Variants in AGBL1 observed in about 807,000 individuals in gnomAD.
The protein encoded by AGBL1 is AGBL carboxypeptidase 1, also known as cytosolic carboxypeptidase 4.
Under a neutral mutation model 118.9 loss-of-function variants are expected in AGBL1, and 130 were observed. That is an observed-to-expected ratio of 1.09 (90% CI 0.95 to 1.26). The LOEUF (loss-of-function observed/expected upper bound fraction) is 1.26. Among genes scored for constraint, AGBL1 ranks in the 50% most tolerant of loss-of-function variants. The pLI, the probability that AGBL1 is intolerant of heterozygous loss-of-function variation, is 0.00. For synonymous variants in AGBL1, 555 were observed against 478.9 expected (o/e 1.16, Z -2.08); for missense variants, 1,584 against 1,298.1 (o/e 1.22, Z -3.38).
intron 22 of AGBL1, among the ~76,000 whole-genome samples, chr15:86,881,424 A>C (rs1276547080): frequency 1.3e-5 from 2 of 152,046 alleles, no homozygotes; most frequent in Non-Finnish European, 2.9e-5. Context: ...TCAGGAACCT[A>C]CTCAATCTCT....
intron 18 of AGBL1, among the ~76,000 whole-genome samples, chr15:86,518,291 C>A (rs1402764840): frequency 3.9e-5 from 6 of 151,954 alleles, no homozygotes; most frequent in African/African-American, 1.5e-4. Context: ...TGTTTCCCAA[C>A]CTCTGGAGGA....
chr15:86,820,880 C>T (rs528961540), intron 22 of AGBL1, among the ~76,000 whole-genome samples: 3 of 152,030 alleles, frequency 2.0e-5, no homozygotes, highest in Admixed American at 6.6e-5. Context: ...CACATGCACA[C>T]GTATATTTAT....
chr15:86,280,423 C>T (rs1435644274), intron 16 of AGBL1, among the ~76,000 whole-genome samples: 1 of 152,082 alleles, frequency 6.6e-6, no homozygotes, highest in African/African-American at 2.4e-5. Context: ...TACCATAAGG[C>T]CCTGCAAAAA....
chr15:86,826,660 T>C (rs1413644493), intron 22 of AGBL1, among the ~76,000 whole-genome samples: 1 of 152,098 alleles, frequency 6.6e-6, no homozygotes, highest in African/African-American at 2.4e-5. Context: ...CTGTTAATGT[T>C]ACTGTTCTGG....
At chr15:86,951,755 C>A (rs752692905) in intron 23 of AGBL1, among the ~76,000 whole-genome samples, 1 of 152,050 alleles carries the variant, frequency 6.6e-6, no homozygotes, top group African/African-American at 2.4e-5. Context: ...ATGATTTGGG[C>A]AATTTTTATT....
intron 17 of AGBL1, among the ~76,000 whole-genome samples, chr15:86,358,004 C>G (rs963351667): frequency 2.0e-5 from 3 of 152,032 alleles, no homozygotes; most frequent in Non-Finnish European, 4.4e-5. Flanking sequence ...ATATCTATCA[C>G]CTCACATACT....
intron 22 of AGBL1, among the ~76,000 whole-genome samples, chr15:86,770,915 C>G (rs2141288219): frequency 6.6e-6 from 1 of 152,190 alleles, no homozygotes; most frequent in Admixed American, 6.6e-5. Context: ...GCTAGATTAC[C>G]TATCTCAGCT....
chr15:86,550,629 T>G (rs1475644564), intron 20 of AGBL1, among the ~76,000 whole-genome samples: 1 of 152,082 alleles, frequency 6.6e-6, no homozygotes, highest in Non-Finnish European at 1.5e-5. Flanking sequence ...GAAGAAAAAG[T>G]TGAAAGAAGG....
intron 23 of AGBL1, among the ~76,000 whole-genome samples, chr15:86,949,358 G>A (rs536678558): frequency 6.6e-6 from 1 of 152,204 alleles, no homozygotes; most frequent in African/African-American, 2.4e-5. Context: ...AAACTGTAGC[G>A]AGGTATGCCC....
chr15:86,219,992 C>T (rs575924032), intron 5 of AGBL1, among the ~76,000 whole-genome samples: 93 of 125,720 alleles, frequency 7.4e-4, no homozygotes, highest in African/African-American at 2.6e-3. Flanking sequence ...CACTCTGTTG[C>T]CCGGGCTGGA....
At chr15:86,714,825 A>G (rs1484131482) in intron 22 of AGBL1, among the ~76,000 whole-genome samples, 2 of 152,150 alleles carry the variant, frequency 1.3e-5, no homozygotes, top group East Asian at 1.9e-4. Context: ...GGGAGCATCA[A>G]GGGAGGGGCC....
At chr15:86,802,254 C>T (rs1198186803) in intron 22 of AGBL1, among the ~76,000 whole-genome samples, 1 of 150,216 alleles carries the variant, frequency 6.7e-6, no homozygotes, top group Non-Finnish European at 1.5e-5. Flanking sequence ...TTCAAATGAG[C>T]CAGATGCTTT....
At chr15:86,774,431 A>G (rs1304739920) in intron 22 of AGBL1, among the ~76,000 whole-genome samples, 2 of 152,142 alleles carry the variant, frequency 1.3e-5, no homozygotes, top group South Asian at 2.1e-4. Context: ...GTTTTATTCA[A>G]TTTATTCGTT....
chr15:86,168,463 T>C (rs2077371966), intron 5 of AGBL1, among the ~76,000 whole-genome samples: 1 of 152,216 alleles, frequency 6.6e-6, no homozygotes, highest in South Asian at 2.1e-4. Context: ...TTTCTTTTCT[T>C]AAACTATGTC....
chr15:86,284,101 C>A (rs1043824625), intron 16 of AGBL1, among the ~76,000 whole-genome samples: 4 of 150,842 alleles, frequency 2.7e-5, no homozygotes, highest in Non-Finnish European at 4.4e-5. Flanking sequence ...ACCATTAAAG[C>A]ATTTATTGTT....
At chr15:86,150,305 C>CA (rs1567087479) in intron 3 of AGBL1, among the ~76,000 whole-genome samples, 1 of 151,956 alleles carries the variant, frequency 6.6e-6, no homozygotes, top group Non-Finnish European at 1.5e-5. Flanking sequence ...GATAGAGACA[C>CA]AAAAAACCCT....
chr15:86,317,990 T>C lies in AGBL1; in HGVS notation c.2374+22582T>C, dbSNP rs1390859. On this transcript the variant is annotated intron_variant, in intron 17 of 22. Transcript: ENST00000614907. ...ATTATAGTGTCATGAGTAAAAAGAA[T>C]AGGTGGGTACTGAGTCCAAGCTTCT... Among the ~76,000 whole-genome samples, 634 of 152,326 alleles carry C rather than the reference T, an allele frequency of 4.2e-3. 6 individuals are homozygous for C. The highest frequency in any genetic ancestry group is 0.014 in the African/African-American group (591 of 41,572).
chr15:86,407,119 T>A (rs1255545827), intron 18 of AGBL1, among the ~76,000 whole-genome samples: 1 of 152,226 alleles, frequency 6.6e-6, no homozygotes, highest in African/African-American at 2.4e-5. Flanking sequence ...AACCTTTTCA[T>A]TTTCTGTCAA....
chr15:86,152,037 G>T (rs953531848), intron 3 of AGBL1, among the ~76,000 whole-genome samples: 2 of 152,092 alleles, frequency 1.3e-5, no homozygotes, highest in East Asian at 3.9e-4. Context: ...ACAAATGGAA[G>T]AACATTCCAT....
Sources: allele counts gnomAD v4.1 joint callset (sites outside exome capture counted in the v4.1 genomes callset), GRCh38; gene constraint gnomAD v4.1.1; transcripts MANE v1.5; gene names NCBI Gene and HGNC (gene_info 2026-07-23, HGNC 2026-07-21).